RNF11: variants seen among roughly 807,000 people sequenced by gnomAD.
The protein encoded by RNF11 is ring finger protein 11.
In RNF11, 4 loss-of-function variants were observed where a neutral mutation model predicts 15.8. That is an observed-to-expected ratio of 0.25 (90% CI 0.12 to 0.58). The LOEUF (loss-of-function observed/expected upper bound fraction) is 0.58, where lower values mean the gene tolerates loss of function less well. RNF11 is among the 20% of genes least tolerant of loss of function. The pLI is 0.91. For synonymous variants in RNF11, 68 were observed against 72.3 expected (o/e 0.94, Z 0.30); for missense variants, 139 against 194.4 (o/e 0.71, Z 1.70).
intron 1 of RNF11, among the ~76,000 whole-genome samples, chr1:51,255,245 G>A (rs1035948344): frequency 6.6e-6 from 1 of 152,062 alleles, no homozygotes; most frequent in African/African-American, 2.4e-5. Flanking sequence ...CTCTGGATAA[G>A]TTTGTTACAT....
chr1:51,244,678 T>C (rs1444969674), intron 1 of RNF11, among the ~76,000 whole-genome samples: 1 of 152,136 alleles, frequency 6.6e-6, no homozygotes, highest in Non-Finnish European at 1.5e-5. Context: ...CCAGCCTGAA[T>C]TTGGTTTTGT....
At chr1:51,248,685 TC>T (rs1467671297) in intron 1 of RNF11, among the ~76,000 whole-genome samples, 2 of 152,336 alleles carry the variant, frequency 1.3e-5, no homozygotes, top group African/African-American at 4.8e-5. Flanking sequence ...AGTTGTGTGA[TC>T]AGTTTGTGAT....
At chr1:51,257,853 C>CTTTTCTTTTTTTTTTTTTTTTTTTTTTTT (rs1314112586) in intron 1 of RNF11, among the ~76,000 whole-genome samples, 1 of 91,268 alleles carries the variant, frequency 1.1e-5, no homozygotes, top group African/African-American at 4.8e-5. Flanking sequence ...CTTTTCTTTT[C>CTTTTCTTTTTTTTTTTTTTTTTTTTTTTT]TTTTTTTTTT....
At chr1:51,244,095 C>G (rs1646841569) in intron 1 of RNF11, among the ~76,000 whole-genome samples, 1 of 152,190 alleles carries the variant, frequency 6.6e-6, no homozygotes, top group Admixed American at 6.5e-5. Flanking sequence ...AGACACTTTA[C>G]CCTTTTAATT....
intron 1 of RNF11, 137 bp from the exon 2 acceptor site, chr1:51,269,819 C>T (rs1469494440): frequency 3.0e-6 from 2 of 677,716 alleles, no homozygotes; most frequent in African/African-American, 3.7e-5. Context: ...CAGGGTGAAA[C>T]ACAGTCATAC....
At chr1:51,251,258 C>G in intron 1 of RNF11, 1 of 1,317,882 alleles carries the variant, frequency 7.6e-7, no homozygotes, top group Non-Finnish European at 1.1e-6. Flanking sequence ...GGGACTTGAT[C>G]TTCATGTCCT....
chr1:51,250,644 C>A, intron 1 of RNF11: 5 of 793,408 alleles, frequency 6.3e-6, no homozygotes, highest in Non-Finnish European at 1.1e-5. Flanking sequence ...CACGGAGACT[C>A]TGGCGTGGGC....
chr1:51,248,412 G>C (rs1557678376), intron 1 of RNF11, among the ~76,000 whole-genome samples: 1 of 152,040 alleles, frequency 6.6e-6, no homozygotes, highest in Non-Finnish European at 1.5e-5. Context: ...CTCCATGTCA[G>C]GCTGGTGTCG....
chr1:51,253,313 G>A (rs557016156), intron 1 of RNF11, among the ~76,000 whole-genome samples: 8 of 152,124 alleles, frequency 5.3e-5, no homozygotes, highest in Non-Finnish European at 1.0e-4. Flanking sequence ...TCCCTTAAGG[G>A]AAGGAGGTTG....
chr1:51,261,341 CAA>C (rs901096904), intron 1 of RNF11, among the ~76,000 whole-genome samples: 7 of 142,320 alleles, frequency 4.9e-5, no homozygotes, highest in Admixed American at 1.4e-4. Flanking sequence ...GTTTCCATGG[CAA>C]AAAAAAAAAG....
rs573506568 is a variant in RNF11, at chr1:51,254,795, G to A, written c.124-15161G>A. On this transcript the variant is annotated intron_variant, in intron 1 of 2. Coordinates refer to ENST00000242719, the MANE Select transcript of RNF11 (RefSeq NM_014372.5). ...TGTATTTTTGTAAAGGCAGAGTTTC[G>A]CCACATTGGCCAGGCTGGTCTGGAC... Among the ~76,000 whole-genome samples, 46 of 152,124 alleles carry A rather than the reference G, an allele frequency of 3.0e-4. 1 individual carries two copies. Among genetic ancestry groups the A allele is most frequent in the African/African-American group, 8.4e-4 (35 of 41,510 alleles).
intron 1 of RNF11, among the ~76,000 whole-genome samples, chr1:51,247,298 C>T (rs114492975): frequency 0.031 from 4,650 of 152,096 alleles, 121 homozygotes; most frequent in Non-Finnish European, 0.047. Context: ...ACACTACAGC[C>T]GCAAACTCTT....
At chr1:51,251,161 A>G in intron 1 of RNF11, 1 of 1,538,332 alleles carries the variant, frequency 6.5e-7, no homozygotes, top group Non-Finnish European at 8.8e-7. Context: ...ATAATCTTCA[A>G]AACCTCATCC....
At chr1:51,244,136 CT>C (rs1278043830) in intron 1 of RNF11, among the ~76,000 whole-genome samples, 1 of 152,196 alleles carries the variant, frequency 6.6e-6, no homozygotes, top group Non-Finnish European at 1.5e-5. Flanking sequence ...CACATCTGCT[CT>C]TTTAGAATTC....
rs889020183 is a variant in RNF11 at position 51,250,809 on chromosome 1, G to C, written c.123+13930G>C. The C allele has an allele frequency of 5.7e-6, 8 of 1,411,124 alleles. No homozygotes were observed. The Admixed American group carries it at 1.3e-4, about 24-fold the overall frequency. The allele number at this position is 1,411,124 out of a possible 1,614,324, so 87.4% of individuals were successfully genotyped here. On this transcript the variant is annotated intron_variant, in intron 1 of 2. Transcript: ENST00000242719. ...GGTGGCAGTGCAGCCCCAGGCTGAG[G>C]TGCAGCAGTCATCGATACCAGCCAT...
chr1:51,236,858 G>C lies in RNF11; in HGVS notation c.102G>C (p.Gln34His). 6.2e-7 allele frequency: 1 copy of C among 1,609,742 alleles called. No individual in the cohort carries two copies. The highest frequency in any genetic ancestry group is 8.5e-7 in the Non-Finnish European group (1 of 1,178,246). The change falls in exon 1 of 3, where the codon CAG (glutamine) becomes CAC (histidine). Residue 34 changes from glutamine to histidine, a missense_variant. Physicochemically the swap from Gln to His is conservative, Grantham distance 24. Transcript: ENST00000242719. The part of the protein sequence containing the change: ...ASFGEGTEPD[Q>H]EPPPPYQEQV... ...TTGGCGAGGGGACGGAGCCGGATCAGGAGCCGCCGCCGCCATATCAGGTAG... is the reference window on the plus strand; with the variant it reads ...TTGGCGAGGGGACGGAGCCGGATCACGAGCCGCCGCCGCCATATCAGGTAG...
At chr1:51,238,069 C>T (rs1178366585) in intron 1 of RNF11, among the ~76,000 whole-genome samples, 2 of 152,186 alleles carry the variant, frequency 1.3e-5, no homozygotes, top group African/African-American at 4.8e-5. Context: ...CATGACTTCT[C>T]CCTCTTACGT....
Position 51,264,297 on chromosome 1 carries a change from T to TAA in RNF11, c.124-5658_124-5657insAA, listed in dbSNP as rs1224836333. Among the ~76,000 whole-genome samples the TAA allele has an allele frequency of 9.9e-3, 865 of 87,448 alleles. 13 individuals are homozygous for TAA. The highest frequency in any genetic ancestry group is 0.013 in the Non-Finnish European group (628 of 49,422). 57.4% of individuals were successfully genotyped at this position (87,448 alleles called of 152,430 possible). A position where few individuals can be genotyped will look rare whatever the true frequency, so the allele number is the denominator to read the frequency against. Reference sequence around the variant, plus strand: ...AAAAAAAAAAAAAAAAATATATATATATATATATATATATATATATACACA... The same window carrying TAA: ...AAAAAAAAAAAAAAAAATATATATATAAATATATATATATATATATATACACA... On this transcript the variant is annotated intron_variant, in intron 1 of 2. Transcript: ENST00000242719.
rs896601648 is a variant in RNF11 at position 51,273,351 on chromosome 1, C to CT, written c.*2035dup. ...AGAACTAGCATTGGGCAGAATGTGTCTTTTTTAGGCACTTTATATTCTCAA... is the reference window on the plus strand; with the variant it reads ...AGAACTAGCATTGGGCAGAATGTGTCTTTTTTTAGGCACTTTATATTCTCAA... On this transcript the variant is annotated 3_prime_UTR_variant, in exon 3 of 3. Coordinates refer to ENST00000242719, the MANE Select transcript of RNF11 (RefSeq NM_014372.5). 1.3e-5 allele frequency: 2 copies of CT among 152,006 alleles called. No individual in the cohort carries two copies. The highest frequency in any genetic ancestry group is 2.9e-5 in the Non-Finnish European group (2 of 67,972). The allele number at this position is 152,006 out of a possible 1,614,324, so 9.4% of individuals were successfully genotyped here. A position where few individuals can be genotyped will look rare whatever the true frequency, so the allele number is the denominator to read the frequency against.
Sources: allele counts gnomAD v4.1 joint callset (sites outside exome capture counted in the v4.1 genomes callset), GRCh38; gene constraint gnomAD v4.1.1; transcripts MANE v1.5; gene names NCBI Gene and HGNC (gene_info 2026-07-23, HGNC 2026-07-21).